MARCHF11: variants seen among roughly 807,000 people sequenced by gnomAD.
MARCHF11 encodes the protein E3 ubiquitin-protein ligase MARCHF11.
In MARCHF11, 29 loss-of-function variants were observed where a neutral mutation model predicts 37.3. The ratio of observed to expected loss-of-function variants is 0.78; its 90% CI spans 0.58 to 1.06. The LOEUF (loss-of-function observed/expected upper bound fraction) is 1.06. Among genes scored for constraint, MARCHF11 ranks in the 50% least tolerant of loss-of-function variants. The pLI is 0.00. For missense variants in MARCHF11, 482 were observed against 533.4 expected (o/e 0.90, Z 0.95); for synonymous variants, 233 against 228.0 (o/e 1.02, Z -0.20).
chr5:16,158,167 C>T (rs767159631), intron 2 of MARCHF11, among the ~76,000 whole-genome samples: 7 of 151,694 alleles, frequency 4.6e-5, no homozygotes, highest in Admixed American at 6.6e-5. Context: ...GTCAAAGAGA[C>T]GAAAGATAAG....
chr5:16,169,342 A>G (rs1419055136), intron 2 of MARCHF11, among the ~76,000 whole-genome samples: 2 of 152,102 alleles, frequency 1.3e-5, no homozygotes, highest in Non-Finnish European at 2.9e-5. Context: ...AAAAGAGAAG[A>G]AAAACTAAAA....
intron 2 of MARCHF11, among the ~76,000 whole-genome samples, chr5:16,125,895 G>C (rs539694114): frequency 6.6e-6 from 1 of 152,152 alleles, no homozygotes; most frequent in African/African-American, 2.4e-5. Context: ...CCATAAGAAA[G>C]GCACAGCAAA....
At chr5:16,127,684 A>C (rs1979394) in intron 2 of MARCHF11, among the ~76,000 whole-genome samples, 77,784 of 152,048 alleles carry the variant, frequency 0.51, 20,691 homozygotes, top group African/African-American at 0.67. Context: ...ATCTGCTTTG[A>C]AGATTTCTAC....
At chr5:16,167,425 C>A (rs911078529) in intron 2 of MARCHF11, among the ~76,000 whole-genome samples, 1 of 152,090 alleles carries the variant, frequency 6.6e-6, no homozygotes, top group Non-Finnish European at 1.5e-5. Context: ...TAATGATGTT[C>A]CAGCATGAAA....
chr5:16,111,689 G>C (rs1219223801), intron 2 of MARCHF11, among the ~76,000 whole-genome samples: 7 of 152,216 alleles, frequency 4.6e-5, no homozygotes. Context: ...AGTTGCATAA[G>C]TAACGAGGAG....
intron 2 of MARCHF11, among the ~76,000 whole-genome samples, chr5:16,115,722 G>A (rs571610871): frequency 2.1e-4 from 32 of 151,832 alleles, no homozygotes; most frequent in Middle Eastern, 3.4e-3. Context: ...CCACTTCCCA[G>A]GTTCAAGAGA....
intron 2 of MARCHF11, among the ~76,000 whole-genome samples, chr5:16,149,529 A>G (rs1263478978): frequency 6.6e-6 from 1 of 152,072 alleles, no homozygotes; most frequent in Non-Finnish European, 1.5e-5. Context: ...ACCCATTGTC[A>G]TTGACTGCTT....
intron 3 of MARCHF11, among the ~76,000 whole-genome samples, chr5:16,074,715 T>C (rs971992646): frequency 6.6e-6 from 1 of 152,192 alleles, no homozygotes; most frequent in Non-Finnish European, 1.5e-5. Flanking sequence ...CAATGAATTA[T>C]TGTGAAACTT....
At chr5:16,158,934 A>C (rs192006151) in intron 2 of MARCHF11, among the ~76,000 whole-genome samples, 1 of 151,946 alleles carries the variant, frequency 6.6e-6, no homozygotes, top group African/African-American at 2.4e-5. Context: ...AATGTATTGC[A>C]TTCTTGAAAA....
In MARCHF11 at chr5:16,110,671, T is replaced by C. The variant is rs966261888; in HGVS notation, c.694-19590A>G. Among the ~76,000 whole-genome samples the C allele has an allele frequency of 7.9e-5, 12 of 152,256 alleles. 1 individual carries two copies. The highest frequency in any genetic ancestry group is 4.6e-4 in the Admixed American group (7 of 15,288). On this transcript the variant is annotated intron_variant, in intron 2 of 3. Coordinates refer to ENST00000332432, the MANE Select transcript of MARCHF11 (RefSeq NM_001102562.3). ...CTAATGGCCAACATAATAAAAATTA[T>C]AGGTCTTTACATTATCATTATTGAT...
At chr5:16,078,224 G>C (rs562371649) in intron 3 of MARCHF11, among the ~76,000 whole-genome samples, 1 of 152,206 alleles carries the variant, frequency 6.6e-6, no homozygotes, top group South Asian at 2.1e-4. Context: ...CCATCTGTTT[G>C]ATCTTGGGGA....
At chr5:16,138,231 C>A (rs370062845) in intron 2 of MARCHF11, among the ~76,000 whole-genome samples, 1 of 152,152 alleles carries the variant, frequency 6.6e-6, no homozygotes, top group African/African-American at 2.4e-5. Flanking sequence ...GAGCTCAGGG[C>A]CCCCTACTGT....
chr5:16,177,992 C>T (rs1738392543), intron 1 of MARCHF11, 111 bp from the exon 2 acceptor site: 2 of 1,039,436 alleles, frequency 1.9e-6, no homozygotes, highest in African/African-American at 3.2e-5. Context: ...CAGCATCAGG[C>T]TCTATCATAG....
At chr5:16,119,316 C>T (rs1017896918) in intron 2 of MARCHF11, among the ~76,000 whole-genome samples, 3 of 151,524 alleles carry the variant, frequency 2.0e-5, no homozygotes, top group African/African-American at 4.9e-5. Flanking sequence ...GAGCCAAGAT[C>T]GTACCACTGC....
At chr5:16,131,447 G>C (rs1022549397) in intron 2 of MARCHF11, among the ~76,000 whole-genome samples, 3 of 152,122 alleles carry the variant, frequency 2.0e-5, no homozygotes, top group Non-Finnish European at 4.4e-5. Flanking sequence ...ACTAAAAGAA[G>C]GGTGAAAAAC....
intron 2 of MARCHF11, among the ~76,000 whole-genome samples, chr5:16,157,667 C>G: frequency 6.6e-6 from 1 of 151,874 alleles, no homozygotes; most frequent in East Asian, 1.9e-4. Flanking sequence ...TTAGCTCACA[C>G]TGCATACAAA....
At chr5:16,174,821 G>A (rs1447273102) in intron 2 of MARCHF11, among the ~76,000 whole-genome samples, 1 of 152,142 alleles carries the variant, frequency 6.6e-6, no homozygotes, top group African/African-American at 2.4e-5. Context: ...TCCTATGGGG[G>A]ATAAAGATGG....
rs141630887 is a variant in MARCHF11 at position 16,163,264 on chromosome 5, C to T, written c.693+14462G>A. ...GCTCACAACAGGTCTCAGGTGGTGGCGGAAGGAGAAAATAGGGAAAAACAA... is the reference window on the plus strand; with the variant it reads ...GCTCACAACAGGTCTCAGGTGGTGGTGGAAGGAGAAAATAGGGAAAAACAA... On this transcript the variant is annotated intron_variant, in intron 2 of 3. Transcript: ENST00000332432. Among the ~76,000 whole-genome samples, 456 of 151,526 alleles carry T rather than the reference C, an allele frequency of 3.0e-3. 1 individual carries two copies. The highest frequency in any genetic ancestry group is 0.011 in the African/African-American group (439 of 41,308).
intron 2 of MARCHF11, among the ~76,000 whole-genome samples, chr5:16,169,643 C>A (rs973056928): frequency 1.3e-5 from 2 of 152,076 alleles, no homozygotes; most frequent in African/African-American, 4.8e-5. Flanking sequence ...ATTCACTTGG[C>A]TAAATCATGT....
Sources: allele counts gnomAD v4.1 joint callset (sites outside exome capture counted in the v4.1 genomes callset), GRCh38; gene constraint gnomAD v4.1.1; transcripts MANE v1.5; gene names NCBI Gene and HGNC (gene_info 2026-07-23, HGNC 2026-07-21).